DMD: variants seen among roughly 807,000 people sequenced by gnomAD.
DMD encodes the protein dystrophin.
DMD carries 63 observed loss-of-function variants against 330.1 expected under a neutral mutation model. The observed-to-expected ratio is 0.19, with a 90% CI of 0.16 to 0.24. The LOEUF (loss-of-function observed/expected upper bound fraction) is 0.24. Among genes scored for constraint, DMD ranks in the 10% least tolerant of loss-of-function variants. The pLI, the probability that DMD is intolerant of heterozygous loss-of-function variation, is 1.00. For missense variants in DMD, 3,344 were observed against 2,684.1 expected (o/e 1.25, Z -5.43); for synonymous variants, 1,223 against 959.8 (o/e 1.27, Z -5.07).
chrX:31,813,551 A>C (rs1456225110), intron 50 of DMD, among the ~76,000 whole-genome samples: 1 of 111,937 alleles, frequency 8.9e-6, no homozygotes, highest in Admixed American at 9.4e-5. Flanking sequence ...TTCTGCCATG[A>C]TTGTGAGGCC....
intron 7 of DMD, among the ~76,000 whole-genome samples, chrX:32,793,962 G>A (rs982259160): frequency 9.0e-6 from 1 of 111,290 alleles, no homozygotes; most frequent in Non-Finnish European, 1.9e-5. Context: ...CAACATCCCT[G>A]ATGAACACTG....
intron 1 of DMD, among the ~76,000 whole-genome samples, chrX:33,115,672 C>T (rs183183415): frequency 0.011 from 1,136 of 107,620 alleles, 12 homozygotes; most frequent in African/African-American, 0.035. Context: ...CAACCACGCC[C>T]GGCTAATTTT....
At chrX:33,208,754 A>C (rs2051721202) in intron 1 of DMD, among the ~76,000 whole-genome samples, 1 of 111,059 alleles carries the variant, frequency 9.0e-6, no homozygotes, top group Admixed American at 9.7e-5. Flanking sequence ...GTGATGAAAT[A>C]AAGAGTTGAT....
At chrX:32,746,454 C>T (rs1358591164) in intron 7 of DMD, among the ~76,000 whole-genome samples, 1 of 111,778 alleles carries the variant, frequency 8.9e-6, no homozygotes, top group Non-Finnish European at 1.9e-5. Flanking sequence ...TGGATCCAGA[C>T]CAGCATCAGC....
At chrX:32,534,072 T>C (rs2047725719) in intron 17 of DMD, among the ~76,000 whole-genome samples, 1 of 112,092 alleles carries the variant, frequency 8.9e-6, no homozygotes, top group East Asian at 2.8e-4. Flanking sequence ...ACTCATTGCT[T>C]AACAAAGCCG....
chrX:32,981,254 C>T (rs962043875), intron 2 of DMD, among the ~76,000 whole-genome samples: 7 of 111,649 alleles, frequency 6.3e-5, no homozygotes, highest in African/African-American at 1.3e-4. Flanking sequence ...CATCACAAGC[C>T]GCTATTTCTG....
At chrX:31,947,546 C>T (rs1318048653) in intron 45 of DMD, among the ~76,000 whole-genome samples, 1 of 112,271 alleles carries the variant, frequency 8.9e-6, no homozygotes, top group Non-Finnish European at 1.9e-5. Context: ...TGAAGTTCAC[C>T]ATGGTGCAAA....
chrX:31,910,156 T>G (rs751178041), intron 47 of DMD, among the ~76,000 whole-genome samples: 1 of 109,978 alleles, frequency 9.1e-6, no homozygotes, highest in Non-Finnish European at 1.9e-5. Flanking sequence ...CTCTCTTTTC[T>G]TAAATATGTG....
chrX:32,676,605 G>A (rs1326984457), intron 9 of DMD, among the ~76,000 whole-genome samples: 3 of 111,115 alleles, frequency 2.7e-5, no homozygotes, highest in Non-Finnish European at 3.8e-5. Context: ...ACGCTATTAT[G>A]CACATTTAAC....
chrX:32,019,359 C>T (rs1234308181), intron 44 of DMD, among the ~76,000 whole-genome samples: 4 of 111,352 alleles, frequency 3.6e-5, no homozygotes, highest in Non-Finnish European at 7.5e-5. Context: ...TCTTCTTTGG[C>T]TTCTTGCCGA....
At chrX:33,161,748 C>G (rs148525994) in intron 1 of DMD, among the ~76,000 whole-genome samples, 124 of 111,762 alleles carry the variant, frequency 1.1e-3, no homozygotes, top group African/African-American at 3.9e-3. Flanking sequence ...ACCGTATACC[C>G]CTTTTCAATA....
chrX:31,743,922 A>G (rs111469873), intron 51 of DMD, among the ~76,000 whole-genome samples: 9,919 of 110,255 alleles, frequency 0.09, 706 homozygotes, highest in Admixed American at 0.23. Context: ...ACTGGAGTGA[A>G]CATGGCTTAC....
chrX:31,380,147 G>C (rs1352349034), intron 60 of DMD, among the ~76,000 whole-genome samples: 1 of 110,604 alleles, frequency 9.0e-6, no homozygotes, highest in East Asian at 2.8e-4. Context: ...ACTGTTGTAG[G>C]TATTGACGGC....
chrX:32,580,798 A>C (rs1160734023), intron 13 of DMD, among the ~76,000 whole-genome samples: 1 of 111,636 alleles, frequency 9.0e-6, no homozygotes, highest in Non-Finnish European at 1.9e-5. Context: ...TACAATTTTA[A>C]ACAACAGGGC....
chrX:32,031,717 A>T (rs1051019071), intron 44 of DMD, among the ~76,000 whole-genome samples: 1 of 112,057 alleles, frequency 8.9e-6, no homozygotes, highest in Non-Finnish European at 1.9e-5. Context: ...AGTCATCTAC[A>T]TGGAAACAGC....
chrX:32,766,660 TAC>T (rs1174657856), intron 7 of DMD, among the ~76,000 whole-genome samples: 3 of 111,427 alleles, frequency 2.7e-5, no homozygotes, highest in African/African-American at 9.8e-5. Flanking sequence ...AATTTTTGCA[TAC>T]ACTCTTTCAA....
chrX:32,903,769 G>A (rs1176466579), intron 2 of DMD, among the ~76,000 whole-genome samples: 1 of 111,827 alleles, frequency 8.9e-6, no homozygotes, highest in Admixed American at 9.6e-5. Flanking sequence ...TATAATATAG[G>A]AAAGAAGACC....
chrX:32,200,423 A>G (rs192358581), intron 44 of DMD, among the ~76,000 whole-genome samples: 4 of 106,920 alleles, frequency 3.7e-5, no homozygotes, highest in Admixed American at 3.2e-4. Flanking sequence ...ATTTCATATT[A>G]TGCATGTGTG....
intron 1 of DMD, among the ~76,000 whole-genome samples, chrX:33,251,640 C>T (rs191172138): frequency 2.7e-5 from 3 of 111,658 alleles, no homozygotes; most frequent in Non-Finnish European, 5.6e-5. Flanking sequence ...GATATATGAC[C>T]ATCAGTGTTA....
Sources: gnomAD v4.1 joint callset for allele counts (sites outside exome capture counted in the v4.1 genomes callset) on GRCh38, gnomAD v4.1.1 for gene constraint, MANE v1.5 for transcripts, NCBI Gene and HGNC (gene_info 2026-07-23, HGNC 2026-07-21) for gene names.